Variants in SPG21 observed in about 807,000 individuals in gnomAD.
The protein encoded by SPG21 is SPG21 abhydrolase domain containing, maspardin, also known as maspardin.
A neutral mutation model predicts 38.9 loss-of-function variants in SPG21; 26 were observed. The observed-to-expected ratio is 0.67, with a 90% CI of 0.49 to 0.93. The LOEUF (loss-of-function observed/expected upper bound fraction) is 0.93. SPG21 is among the 40% of genes least tolerant of loss of function. The pLI, the probability that SPG21 is intolerant of heterozygous loss-of-function variation, is 0.00. For synonymous variants in SPG21, 136 were observed against 128.9 expected (o/e 1.05, Z -0.37); for missense variants, 333 against 376.5 (o/e 0.88, Z 0.96).
chr15:64,986,946 T>C (rs568526692), intron 1 of SPG21, among the ~76,000 whole-genome samples: 42 of 152,320 alleles, frequency 2.8e-4, no homozygotes, highest in African/African-American at 1.0e-3. Context: ...AATAAAAACA[T>C]GTTTAGCAAA....
At chr15:64,968,913 T>TA (rs2085603783) in intron 7 of SPG21, among the ~76,000 whole-genome samples, 2 of 152,152 alleles carry the variant, frequency 1.3e-5, no homozygotes, top group Non-Finnish European at 2.9e-5. Context: ...TTTTTATTTT[T>TA]TTTTAATAAA....
rs150223806 is a variant in SPG21 at position 64,971,981 on chromosome 15, C to T, written c.453-1759G>A. ...GCCACTGTGACTGGTCAGATCTTTA[C>T]GGATTTCTATATATGATCTTTAGTT... is the stretch of plus-strand genomic sequence containing the variant. On this transcript the variant is annotated intron_variant, in intron 5 of 8. Coordinates refer to ENST00000204566, the MANE Select transcript of SPG21 (RefSeq NM_016630.7). Among the ~76,000 whole-genome samples, 1,330 of 152,248 alleles carry T rather than the reference C, an allele frequency of 8.7e-3. 11 individuals carry two copies. Among genetic ancestry groups the T allele is most frequent in the Middle Eastern group, 0.014 (4 of 294 alleles).
chr15:64,979,627 T>C (rs1220589107), intron 3 of SPG21, among the ~76,000 whole-genome samples: 2 of 152,146 alleles, frequency 1.3e-5, no homozygotes, highest in South Asian at 2.1e-4. Context: ...GTGGCCTCAG[T>C]TGGTGGTAAC....
chr15:64,984,194 C>G (rs566021417), intron 1 of SPG21, among the ~76,000 whole-genome samples: 44 of 152,274 alleles, frequency 2.9e-4, no homozygotes, highest in African/African-American at 9.9e-4. Flanking sequence ...AATGCTAGGA[C>G]CAGATGTGAG....
Position 64,963,198 on chromosome 15 carries a change from A to G in SPG21, c.*422T>C. 1 of 172,368 alleles carries G rather than the reference A, an allele frequency of 5.8e-6. No individual in the cohort carries two copies. Among genetic ancestry groups the G allele is most frequent in the Non-Finnish European group, 1.2e-5 (1 of 80,076 alleles). The allele number at this position is 172,368 out of a possible 1,614,324, so 10.7% of individuals were successfully genotyped here. ...TATCCAAGAAAGCATAAAATAACCAATGTCCTGATATGCAATCTGGATGTG... is the reference window on the plus strand; with the variant it reads ...TATCCAAGAAAGCATAAAATAACCAGTGTCCTGATATGCAATCTGGATGTG... On this transcript the variant is annotated 3_prime_UTR_variant, in exon 9 of 9. Transcript: ENST00000204566.
At chr15:64,967,364 C>A (rs1035175347) in intron 7 of SPG21, among the ~76,000 whole-genome samples, 1 of 151,984 alleles carries the variant, frequency 6.6e-6, no homozygotes, top group African/African-American at 2.4e-5. Flanking sequence ...CAGGCTGGAA[C>A]GCAGTGGCAT....
chr15:64,981,788 A>G (rs1225085367), intron 2 of SPG21, among the ~76,000 whole-genome samples: 1 of 152,126 alleles, frequency 6.6e-6, no homozygotes, highest in Non-Finnish European at 1.5e-5. Context: ...TCCTAGTTTA[A>G]TTTTTGCTTT....
chr15:64,974,599 T>TA lies in SPG21; in HGVS notation c.452+2dup, dbSNP rs752973737. The TA allele has an allele frequency of 5.0e-6, 8 of 1,614,236 alleles. No individual in the cohort carries two copies. The highest frequency in any genetic ancestry group is 6.8e-6 in the Non-Finnish European group (8 of 1,180,042). Reference sequence around the variant, plus strand: ...TGAACAAAAAAAGTAATTTTGTTCTTACCTGTTTGCAGTCCAAGTTTGGTT... The same window carrying TA: ...TGAACAAAAAAAGTAATTTTGTTCTTAACCTGTTTGCAGTCCAAGTTTGGTT... On this transcript the variant is annotated splice_region_variant and intron_variant, in intron 5 of 8. Coordinates refer to ENST00000204566, the MANE Select transcript of SPG21 (RefSeq NM_016630.7).
At chr15:64,981,265 C>T in intron 2 of SPG21, 1 of 454,130 alleles carries the variant, frequency 2.2e-6, no homozygotes, top group Non-Finnish European at 3.9e-6. Flanking sequence ...AGGGCTGCTG[C>T]TTCTCTGTTT....
chr15:64,965,523 G>C, intron 7 of SPG21, 63 bp from the exon 8 acceptor site: 3 of 1,605,020 alleles, frequency 1.9e-6, no homozygotes, highest in Non-Finnish European at 2.6e-6. Flanking sequence ...CATACAGAAA[G>C]CTGTAATCAA....
In SPG21 at chr15:64,965,435, G is replaced by A. The variant is rs759282971; in HGVS notation, c.695C>T (p.Thr232Ile). The change falls in exon 8 of 9, where the codon ACT becomes ATT. Residue 232 changes from threonine (T) to isoleucine (I), a missense_variant. Coordinates refer to ENST00000204566, the MANE Select transcript of SPG21 (RefSeq NM_016630.7). The part of the protein sequence containing the change: ...MDVFDQSALS[T>I]EAKEEMYKLY... ...CTTGTACATTTCTTCTTTAGCTTCA[G>A]TTGAAAGCGCACTCTGATCAAACAC... 1 of 1,614,140 alleles carries A rather than the reference G, an allele frequency of 6.2e-7. No individual in the cohort carries two copies. Among genetic ancestry groups the A allele is most frequent in the African/African-American group, 1.3e-5 (1 of 75,036 alleles).
chr15:64,976,631 G>A, intron 3 of SPG21, 76 bp from the exon 4 acceptor site: 1 of 1,124,476 alleles, frequency 8.9e-7, no homozygotes, highest in Non-Finnish European at 1.3e-6. Flanking sequence ...AAAAACTTAG[G>A]ACTCAAACAC....
rs1324432128 is a variant in SPG21, at chr15:64,974,582, A to G, written c.452+20T>C. 8 of 1,614,144 alleles carry G rather than the reference A, an allele frequency of 5.0e-6. No individual in the cohort carries two copies. The highest frequency in any genetic ancestry group is 1.7e-4 in the Middle Eastern group (1 of 6,060). ...CATTTTCAAAATTTCACTGAACAAA[A>G]AAAGTAATTTTGTTCTTACCTGTTT... On this transcript the variant is annotated intron_variant, in intron 5 of 8. Transcript: ENST00000204566.
At chr15:64,978,204 T>C (rs2085822332) in intron 3 of SPG21, among the ~76,000 whole-genome samples, 2 of 150,332 alleles carry the variant, frequency 1.3e-5, no homozygotes, top group South Asian at 4.4e-4. Context: ...TCCCAGCGCT[T>C]TGGGAGGCCG....
chr15:64,987,864 G>C (rs1242740295), intron 1 of SPG21, among the ~76,000 whole-genome samples: 1 of 152,076 alleles, frequency 6.6e-6, no homozygotes, highest in Non-Finnish European at 1.5e-5. Context: ...GTGCAGCCCC[G>C]TCTCTACTAA....
chr15:64,983,665 C>T (rs2085929269), intron 1 of SPG21, 72 bp from the exon 2 acceptor site: 2 of 901,634 alleles, frequency 2.2e-6, no homozygotes, highest in South Asian at 2.9e-5. Flanking sequence ...AGAGTCTCAT[C>T]TAGCTATACC....
At chr15:64,989,278 G>GA (rs925663884) in intron 1 of SPG21, 46 of 148,436 alleles carry the variant, frequency 3.1e-4, no homozygotes, top group Admixed American at 8.8e-4. Flanking sequence ...AGTTTGCTGA[G>GA]AAAAAAAAAA....
At chr15:64,971,417 T>G (rs2085660072) in intron 5 of SPG21, among the ~76,000 whole-genome samples, 1 of 151,924 alleles carries the variant, frequency 6.6e-6, no homozygotes, top group Non-Finnish European at 1.5e-5. Context: ...CGGGCGCCTG[T>G]AGTCCCAGCT....
chr15:64,973,800 T>C (rs72742711), intron 5 of SPG21, among the ~76,000 whole-genome samples: 2,534 of 152,332 alleles, frequency 0.017, 29 homozygotes, highest in Admixed American at 0.024. Flanking sequence ...TCAAGGGTCA[T>C]GATGTGCAGA....
Sources: gnomAD v4.1 joint callset for allele counts (sites outside exome capture counted in the v4.1 genomes callset) on GRCh38, gnomAD v4.1.1 for gene constraint, MANE v1.5 for transcripts, NCBI Gene and HGNC (gene_info 2026-07-23, HGNC 2026-07-21) for gene names.